OCIAD1: variants seen among roughly 807,000 people sequenced by gnomAD.
OCIAD1 encodes the protein OCIA domain-containing protein 1.
In OCIAD1, 29 loss-of-function variants were observed where a neutral mutation model predicts 38.9. The observed-to-expected ratio is 0.74, with a 90% CI of 0.55 to 1.02. OCIAD1 has a LOEUF of 1.02. OCIAD1 is among the 50% of genes least tolerant of loss of function. The pLI is 0.00. For missense variants in OCIAD1, 288 were observed against 289.6 expected (o/e 0.99, Z 0.04); for synonymous variants, 110 against 92.0 (o/e 1.20, Z -1.12).
chr4:48,819,718 A>C (rs1169979365), intron 1 of OCIAD1, among the ~76,000 whole-genome samples: 1 of 123,456 alleles, frequency 8.1e-6, no homozygotes, highest in Non-Finnish European at 1.7e-5. Flanking sequence ...ACCAAGCGCA[A>C]AAAAAAAAAA....
rs1478586689 is a variant in OCIAD1 at position 48,832,630 on chromosome 4, T to C, written c.6T>C (p.Asn2=). The C allele has an allele frequency of 1.2e-6, 2 of 1,612,594 alleles. No individual in the cohort carries two copies. The highest frequency in any genetic ancestry group is 1.7e-5 in the Admixed American group (1 of 60,026). M[N]GRADFREPNA... ...ATGTTTTTGATACAGGAAAGATGAA[T>C]GGGAGGGCTGATTTTCGAGAGCCGA... The change falls in exon 2 of 9, where the codon AAT becomes AAC. Residue 2 remains asparagine (N), a synonymous_variant. Coordinates refer to ENST00000264312, the MANE Select transcript of OCIAD1 (RefSeq NM_017830.4).
chr4:48,833,591 A>G (rs561165823), intron 3 of OCIAD1, 110 bp downstream of exon 3: 12 of 651,940 alleles, frequency 1.8e-5, no homozygotes, highest in Admixed American at 1.5e-4. Flanking sequence ...AAATTGGCAA[A>G]CTTTTTGCAT....
chr4:48,842,584 G>A, intron 3 of OCIAD1, 52 bp from the exon 4 acceptor site: 1 of 1,194,688 alleles, frequency 8.4e-7, no homozygotes, highest in South Asian at 1.3e-5. Context: ...ATGAACTTTA[G>A]ACAAAATCTT....
intron 3 of OCIAD1, among the ~76,000 whole-genome samples, chr4:48,838,561 G>T (rs532864964): frequency 1.3e-5 from 2 of 152,300 alleles, no homozygotes; most frequent in East Asian, 3.9e-4. Context: ...TTATCAGAAG[G>T]ATGATAATCA....
At chr4:48,834,974 C>T (rs746427926) in intron 3 of OCIAD1, among the ~76,000 whole-genome samples, 5 of 152,180 alleles carry the variant, frequency 3.3e-5, no homozygotes, top group Non-Finnish European at 4.4e-5. Context: ...CACTCTCTTC[C>T]CCAGGCTGGA....
intron 1 of OCIAD1, among the ~76,000 whole-genome samples, chr4:48,822,735 G>C (rs565868299): frequency 6.6e-6 from 1 of 152,132 alleles, no homozygotes; most frequent in Non-Finnish European, 1.5e-5. Context: ...CAAAGGATAC[G>C]AACAGACACT....
At chr4:48,823,468 A>C (rs1226796984) in intron 1 of OCIAD1, among the ~76,000 whole-genome samples, 1 of 151,972 alleles carries the variant, frequency 6.6e-6, no homozygotes, top group Admixed American at 6.6e-5. Context: ...CCTAGATGGA[A>C]GGTTGACAGG....
intron 3 of OCIAD1, among the ~76,000 whole-genome samples, chr4:48,834,497 C>T (rs1777803779): frequency 2.0e-5 from 3 of 152,036 alleles, no homozygotes; most frequent in Admixed American, 6.5e-5. Context: ...CAACTTGGCA[C>T]GGTGCCTCAT....
At chr4:48,806,681 T>C (rs1406094301) in intron 1 of OCIAD1, among the ~76,000 whole-genome samples, 2 of 152,056 alleles carry the variant, frequency 1.3e-5, no homozygotes, top group Admixed American at 1.3e-4. Context: ...TCTTGGCTCA[T>C]TGAAACCTCT....
At chr4:48,841,947 T>A (rs894374529) in intron 3 of OCIAD1, among the ~76,000 whole-genome samples, 6 of 152,220 alleles carry the variant, frequency 3.9e-5, no homozygotes, top group African/African-American at 1.4e-4. Flanking sequence ...GCTTTTTAAT[T>A]TTTGCCCCAG....
At chr4:48,827,953 C>T (rs964639914), upstream of OCIAD1, among the ~76,000 whole-genome samples, 1 of 152,126 alleles carries the variant, frequency 6.6e-6, no homozygotes, top group Non-Finnish European at 1.5e-5. Flanking sequence ...CCAATCAGCA[C>T]TCTGTATCTA....
At chr4:48,841,673 T>G (rs1560426118) in intron 3 of OCIAD1, among the ~76,000 whole-genome samples, 1 of 152,182 alleles carries the variant, frequency 6.6e-6, no homozygotes, top group Admixed American at 6.5e-5. Flanking sequence ...GGGAACTGTT[T>G]ACCAGTCAAG....
chr4:48,811,693 G>A (rs1283238056), intron 1 of OCIAD1, among the ~76,000 whole-genome samples: 1 of 152,084 alleles, frequency 6.6e-6, no homozygotes, highest in Non-Finnish European at 1.5e-5. Context: ...TCAGATTATG[G>A]ATATACTTTG....
chr4:48,851,917 A>T lies in OCIAD1; in HGVS notation c.489A>T (p.Pro163=), dbSNP rs775013976. The change falls in exon 7 of 9, where the codon CCA becomes CCT. Residue 163 remains proline (P), a synonymous_variant. Transcript: ENST00000264312. ...IEMLPHYEPI[P]FSSSMNESAP... ...TGCTTCCTCATTATGAGCCAATTCC[A>T]TTCAGTTCTTCTATGAATGAATCTG... is the stretch of plus-strand genomic sequence containing the variant. 1 of 1,609,978 alleles carries T rather than the reference A, an allele frequency of 6.2e-7. No homozygotes were observed. Among genetic ancestry groups the T allele is most frequent in the South Asian group, 1.1e-5 (1 of 90,990 alleles).
At chr4:48,855,028 A>T (rs1008986871) in intron 7 of OCIAD1, among the ~76,000 whole-genome samples, 4 of 152,162 alleles carry the variant, frequency 2.6e-5, no homozygotes, top group African/African-American at 9.7e-5. Flanking sequence ...AGTGTGGGAA[A>T]TTCTCCCCAG....
At chr4:48,849,828 A>G (rs1579094478) in intron 5 of OCIAD1, 119 bp from the exon 6 acceptor site, 1 of 760,918 alleles carries the variant, frequency 1.3e-6, no homozygotes, top group South Asian at 1.9e-5. Flanking sequence ...AGGAAATCTC[A>G]GTCTTTCTAA....
At chr4:48,815,976 T>C (rs1777138585) in intron 1 of OCIAD1, among the ~76,000 whole-genome samples, 1 of 152,232 alleles carries the variant, frequency 6.6e-6, no homozygotes, top group Non-Finnish European at 1.5e-5. Context: ...ATTGTTTTCT[T>C]TTCATCCCTA....
chr4:48,839,611 C>T (rs1778340544), intron 3 of OCIAD1, among the ~76,000 whole-genome samples: 3 of 151,982 alleles, frequency 2.0e-5, no homozygotes, highest in Admixed American at 6.6e-5. Context: ...GGGATTAATG[C>T]AATTTAATTA....
At chr4:48,822,628 T>G (rs1274792682) in intron 1 of OCIAD1, among the ~76,000 whole-genome samples, 1 of 151,828 alleles carries the variant, frequency 6.6e-6, no homozygotes, top group Non-Finnish European at 1.5e-5. Context: ...TGGGAGAAAA[T>G]TTTTGCAAGC....
Sources: gnomAD v4.1 joint callset for allele counts (sites outside exome capture counted in the v4.1 genomes callset) on GRCh38, gnomAD v4.1.1 for gene constraint, MANE v1.5 for transcripts, NCBI Gene and HGNC (gene_info 2026-07-23, HGNC 2026-07-21) for gene names.